DLGAP1: variants seen among roughly 807,000 people sequenced by gnomAD.
DLGAP1 encodes DLG associated protein 1, also known as disks large-associated protein 1.
Under a neutral mutation model 90.8 loss-of-function variants are expected in DLGAP1, and 11 were observed. That is an observed-to-expected ratio of 0.12 (90% CI 0.08 to 0.20). The LOEUF is 0.20. Among genes scored for constraint, DLGAP1 ranks in the 10% least tolerant of loss-of-function variants. DLGAP1 has a pLI of 1.00. For synonymous variants in DLGAP1, 558 were observed against 540.7 expected (o/e 1.03, Z -0.44); for missense variants, 1,050 against 1,333.8 (o/e 0.79, Z 3.31).
chr18:3,502,709 A>C (rs2050002585), intron 11 of DLGAP1, 64 bp from the exon 12 acceptor site: 5 of 1,539,432 alleles, frequency 3.2e-6, no homozygotes, highest in Non-Finnish European at 4.4e-6. Flanking sequence ...CAGGGCCAAA[A>C]AGGCATTTTC....
chr18:3,623,906 G>A (rs1170800598), intron 7 of DLGAP1, among the ~76,000 whole-genome samples: 2 of 151,934 alleles, frequency 1.3e-5, no homozygotes, highest in Admixed American at 6.6e-5. Flanking sequence ...GCGGATGCCC[G>A]TTTCCCCTCC....
intron 7 of DLGAP1, among the ~76,000 whole-genome samples, chr18:3,701,730 T>C (rs996627514): frequency 5.9e-5 from 9 of 152,168 alleles, no homozygotes; most frequent in Non-Finnish European, 1.3e-4. Flanking sequence ...GAAGATACCA[T>C]CTGAAGCTGG....
At chr18:4,331,455 T>A (rs2080949964) in intron 1 of DLGAP1, among the ~76,000 whole-genome samples, 1 of 151,312 alleles carries the variant, frequency 6.6e-6, no homozygotes, top group South Asian at 2.1e-4. Context: ...CTAAAAGAGG[T>A]CAAGATCTTC....
intron 10 of DLGAP1, among the ~76,000 whole-genome samples, chr18:3,516,327 C>T (rs1297204553): frequency 6.6e-6 from 1 of 151,758 alleles, no homozygotes; most frequent in African/African-American, 2.4e-5. Flanking sequence ...GTGAAGTAAG[C>T]ACATCATGGA....
At chr18:4,407,012 G>C (rs1243137401) in intron 1 of DLGAP1, among the ~76,000 whole-genome samples, 1 of 152,138 alleles carries the variant, frequency 6.6e-6, no homozygotes, top group African/African-American at 2.4e-5. Flanking sequence ...TTTTAAAATT[G>C]CACTCTCCTG....
At chr18:4,349,529 G>C (rs538171147) in intron 1 of DLGAP1, among the ~76,000 whole-genome samples, 1 of 151,808 alleles carries the variant, frequency 6.6e-6, no homozygotes, top group Non-Finnish European at 1.5e-5. Flanking sequence ...TTAGTCAAAG[G>C]GTAAAGGTAA....
intron 5 of DLGAP1, among the ~76,000 whole-genome samples, chr18:3,763,639 A>C (rs1297986728): frequency 2.6e-5 from 4 of 151,276 alleles, no homozygotes; most frequent in Non-Finnish European, 1.5e-5. Flanking sequence ...GCTTCAGTTA[A>C]CGGGAAATGA....
In DLGAP1 at chr18:3,935,036, C is replaced by T. The variant is rs189126593; in HGVS notation, c.-72-54896G>A. On this transcript the variant is annotated intron_variant, in intron 3 of 12. Transcript: ENST00000315677. ...TCTTTGGAACTGGAACAAAATCATCCGCCTAATGAAGTTTCTGTAATGATG... is the reference window on the plus strand; with the variant it reads ...TCTTTGGAACTGGAACAAAATCATCTGCCTAATGAAGTTTCTGTAATGATG... Among the ~76,000 whole-genome samples the T allele has an allele frequency of 2.4e-4, 37 of 152,280 alleles. 1 individual carries two copies. The highest frequency in any genetic ancestry group is 3.4e-3 in the Middle Eastern group (1 of 294).
chr18:3,628,893 G>C (rs868290136), intron 7 of DLGAP1, among the ~76,000 whole-genome samples: 1 of 152,078 alleles, frequency 6.6e-6, no homozygotes, highest in Non-Finnish European at 1.5e-5. Context: ...TTTTACTATA[G>C]ATGGATATTT....
intron 7 of DLGAP1, among the ~76,000 whole-genome samples, chr18:3,641,766 G>A (rs1000552996): frequency 1.3e-5 from 2 of 152,032 alleles, no homozygotes; most frequent in African/African-American, 4.8e-5. Context: ...TCCTGTAAGG[G>A]CATAGAACAG....
intron 3 of DLGAP1, among the ~76,000 whole-genome samples, chr18:3,902,678 T>C (rs2071810024): frequency 6.6e-6 from 1 of 152,210 alleles, no homozygotes; most frequent in Non-Finnish European, 1.5e-5. Flanking sequence ...GCCATGTTTC[T>C]TTTAGTTTAG....
chr18:3,888,628 C>T (rs1173962751), intron 3 of DLGAP1, among the ~76,000 whole-genome samples: 1 of 151,420 alleles, frequency 6.6e-6, no homozygotes, highest in African/African-American at 2.4e-5. Context: ...ATTACAATCA[C>T]CTGCATCTCC....
chr18:4,063,438 A>G (rs943116100), intron 2 of DLGAP1, among the ~76,000 whole-genome samples: 3 of 152,110 alleles, frequency 2.0e-5, no homozygotes, highest in African/African-American at 7.2e-5. Flanking sequence ...TCTGAAGGAA[A>G]TTAAAATATT....
intron 1 of DLGAP1, among the ~76,000 whole-genome samples, chr18:4,166,924 G>A (rs2076942810): frequency 6.6e-6 from 1 of 152,180 alleles, no homozygotes. Context: ...TTTCAGTTTG[G>A]AATGATGAAA....
chr18:3,877,665 C>T (rs2071037957), intron 4 of DLGAP1, among the ~76,000 whole-genome samples: 1 of 152,140 alleles, frequency 6.6e-6, no homozygotes, highest in African/African-American at 2.4e-5. Flanking sequence ...CATTAATGGC[C>T]ATTTCTCTAA....
intron 10 of DLGAP1, among the ~76,000 whole-genome samples, chr18:3,515,336 T>C (rs1341628108): frequency 6.6e-6 from 1 of 151,584 alleles, no homozygotes; most frequent in Non-Finnish European, 1.5e-5. Flanking sequence ...CCAGGCGTGG[T>C]GGCGGGCACT....
chr18:4,138,860 A>C (rs923905673), intron 2 of DLGAP1, among the ~76,000 whole-genome samples: 6 of 151,922 alleles, frequency 3.9e-5, no homozygotes, highest in African/African-American at 1.4e-4. Flanking sequence ...TCATGGTTCA[A>C]TATTAGTAGG....
chr18:4,149,228 T>C (rs2076633495), intron 2 of DLGAP1, among the ~76,000 whole-genome samples: 2 of 152,192 alleles, frequency 1.3e-5, no homozygotes, highest in South Asian at 2.1e-4. Flanking sequence ...CAAATATACA[T>C]GGGGACTCAG....
intron 5 of DLGAP1, among the ~76,000 whole-genome samples, chr18:3,761,577 T>TC (rs1491552092): frequency 2.1e-5 from 3 of 145,752 alleles, no homozygotes; most frequent in Non-Finnish European, 4.5e-5. Context: ...TTTCTTTCTT[T>TC]CTTTTTTTTT....
Sources: gnomAD v4.1 joint callset for allele counts (sites outside exome capture counted in the v4.1 genomes callset) on GRCh38, gnomAD v4.1.1 for gene constraint, MANE v1.5 for transcripts, NCBI Gene and HGNC (gene_info 2026-07-23, HGNC 2026-07-21) for gene names.